KREMEN1: variants seen among roughly 807,000 people sequenced by gnomAD.
The protein encoded by KREMEN1 is kremen protein 1.
In KREMEN1, 30 loss-of-function variants were observed where a neutral mutation model predicts 46.5. The observed-to-expected ratio is 0.65, with a 90% confidence interval of 0.48 to 0.88. The LOEUF (loss-of-function observed/expected upper bound fraction) is 0.88. Among genes scored for constraint, KREMEN1 ranks in the 40% least tolerant of loss-of-function variants. The pLI, the probability that KREMEN1 is intolerant of heterozygous loss-of-function variation, is 0.00. For synonymous variants in KREMEN1, 214 were observed against 230.6 expected (o/e 0.93, Z 0.65); for missense variants, 533 against 596.9 (o/e 0.89, Z 1.11).
At chr22:29,080,342 T>A (rs2037634425) in intron 1 of KREMEN1, among the ~76,000 whole-genome samples, 1 of 152,272 alleles carries the variant, frequency 6.6e-6, no homozygotes. Context: ...ACAGGCCTTT[T>A]CAGCTGAGAA....
chr22:29,149,012 G>T (rs1223140582), downstream of KREMEN1, among the ~76,000 whole-genome samples: 2 of 151,926 alleles, frequency 1.3e-5, no homozygotes, highest in African/African-American at 4.8e-5. Flanking sequence ...AGGTTCCCGG[G>T]CCCCACCCCA....
Position 29,143,315 on chromosome 22 carries a change from C to T in KREMEN1, c.*1203C>T, listed in dbSNP as rs1403684991. ...TGGAACCTGAGCCAGGCCTCAGTCT[C>T]TCCATGATTGGCTCAGCTAACTCTC... On this transcript the variant is annotated 3_prime_UTR_variant, in exon 9 of 9. Transcript: ENST00000400335. 2.0e-6 allele frequency: 2 copies of T among 985,380 alleles called. No individual in the cohort carries two copies. Among genetic ancestry groups the T allele is most frequent in the Admixed American group, 6.1e-5 (1 of 16,268 alleles). 61.0% of individuals were successfully genotyped at this position (985,380 alleles called of 1,614,324 possible).
At chr22:29,149,900 A>T (rs2038901827), downstream of KREMEN1, among the ~76,000 whole-genome samples, 1 of 152,132 alleles carries the variant, frequency 6.6e-6, no homozygotes, top group African/African-American at 2.4e-5. Flanking sequence ...TGTGAAGGGG[A>T]ACGGGGCTGG....
chr22:29,136,288 C>T (rs2145841971), intron 5 of KREMEN1, among the ~76,000 whole-genome samples: 1 of 151,322 alleles, frequency 6.6e-6, no homozygotes, highest in East Asian at 2.0e-4. Context: ...TAAATCCTAG[C>T]CCTGGCCGGG....
At position 29,094,301 on chromosome 22, in the gene KREMEN1, C is replaced by A. The variant is rs375501568; in HGVS notation, c.141C>A (p.Asn47Lys). The A allele has an allele frequency of 1.9e-6, 3 of 1,613,764 alleles. No individual in the cohort carries two copies. The highest frequency in any genetic ancestry group is 1.6e-4 in the Middle Eastern group (1 of 6,062). ...GTGCGGATTATAGGGGAACACAGAA[C>A]TGGACAGCACTACAAGGCGGGAAGC... The part of the protein sequence containing the change: ...ANGADYRGTQ[N>K]WTALQGGKPC... The change falls in exon 2 of 9, where the codon AAC becomes AAA. Residue 47 changes from asparagine to lysine, a missense_variant. Transcript: ENST00000400335.
At position 29,143,779 on chromosome 22, in the gene KREMEN1, T is replaced by TCTGCCC. The variant is rs990400493; in HGVS notation, c.*1670_*1675dup. ...AACACTCCAAGGGCCATCCGTGCTCTCTGCCCCTCCTGTGGGGACCAAGTG... is the reference window on the plus strand; with the variant it reads ...AACACTCCAAGGGCCATCCGTGCTCTCTGCCCCTGCCCCTCCTGTGGGGACCAAGTG... On this transcript the variant is annotated 3_prime_UTR_variant, in exon 9 of 9. Coordinates refer to ENST00000400335, the MANE Select transcript of KREMEN1 (RefSeq NM_001039570.3). 7.1e-6 allele frequency: 7 copies of TCTGCCC among 984,884 alleles called. No homozygotes were observed. The highest frequency in any genetic ancestry group is 8.4e-6 in the Non-Finnish European group (7 of 830,102). 61.0% of individuals were successfully genotyped at this position (984,884 alleles called of 1,614,324 possible).
downstream of KREMEN1, among the ~76,000 whole-genome samples, chr22:29,150,860 C>T (rs2038909434): frequency 6.6e-6 from 1 of 152,174 alleles, no homozygotes; most frequent in African/African-American, 2.4e-5. Context: ...TTGCCGCAAC[C>T]CAACAAGGGA....
At position 29,090,029 on chromosome 22, in the gene KREMEN1, A is replaced by C. The variant is rs186277802; in HGVS notation, c.98-4229A>C. ...TCACTATCTGATGTTCATTTTGATC[A>C]GTTTATTATAAACATGTAAGCTCCA... On this transcript the variant is annotated intron_variant, in intron 1 of 8. Coordinates refer to ENST00000400335, the MANE Select transcript of KREMEN1 (RefSeq NM_001039570.3). Among the ~76,000 whole-genome samples the C allele has an allele frequency of 4.6e-5, 7 of 152,344 alleles. No individual in the cohort carries two copies. The East Asian group carries it at 1.2e-3, about 25-fold the overall frequency.
At chr22:29,165,974 A>G (rs544536661) in intron 9 of KREMEN1, among the ~76,000 whole-genome samples, 1 of 152,328 alleles carries the variant, frequency 6.6e-6, no homozygotes, top group South Asian at 2.1e-4. Flanking sequence ...GCTGCCATTC[A>G]GAATGGGTCA....
At position 29,143,678 on chromosome 22, in the gene KREMEN1, C is replaced by A. The variant is rs1302287374; in HGVS notation, c.*1566C>A. 6 of 864,340 alleles carry A rather than the reference C, an allele frequency of 6.9e-6. No individual in the cohort carries two copies. Among genetic ancestry groups the A allele is most frequent in the Non-Finnish European group, 8.3e-6 (6 of 720,796 alleles). 53.5% of individuals were successfully genotyped at this position (864,340 alleles called of 1,614,324 possible). ...AATGGCGTGAACCCGGGAGGCGGAG[C>A]TTGCAGTGAGCAGAGATCACGCCAC... On this transcript the variant is annotated 3_prime_UTR_variant, in exon 9 of 9. Transcript: ENST00000400335.
At chr22:29,146,969 C>A, downstream of KREMEN1, 1 of 190,126 alleles carries the variant, frequency 5.3e-6, no homozygotes, top group Non-Finnish European at 9.7e-6. Context: ...CAAATTTCTT[C>A]CAGTCTTGTG....
downstream of KREMEN1, among the ~76,000 whole-genome samples, chr22:29,147,753 A>T (rs1337868036): frequency 1.3e-5 from 2 of 152,174 alleles, no homozygotes; most frequent in Non-Finnish European, 2.9e-5. Context: ...TGGGCCCCCA[A>T]GCCAGTGCTG....
downstream of KREMEN1, among the ~76,000 whole-genome samples, chr22:29,147,429 C>T (rs116100643): frequency 0.012 from 1,861 of 152,314 alleles, 31 homozygotes; most frequent in African/African-American, 0.041. Flanking sequence ...AACTCTTCGC[C>T]ATGGGTACCA....
chr22:29,135,577 T>C (rs1339013481), intron 5 of KREMEN1, among the ~76,000 whole-genome samples: 2 of 152,154 alleles, frequency 1.3e-5, no homozygotes, highest in Non-Finnish European at 2.9e-5. Context: ...GGGACTGTGG[T>C]CTGCTGGCCA....
At chr22:29,133,156 G>A (rs1233536470) in intron 5 of KREMEN1, among the ~76,000 whole-genome samples, 2 of 151,190 alleles carry the variant, frequency 1.3e-5, no homozygotes, top group Non-Finnish European at 2.9e-5. Context: ...GCTGAGGCAG[G>A]AGAATGGCGT....
chr22:29,119,763 G>A (rs989308510), intron 3 of KREMEN1, among the ~76,000 whole-genome samples: 2 of 152,232 alleles, frequency 1.3e-5, no homozygotes, highest in African/African-American at 4.8e-5. Context: ...CTGATGTGTG[G>A]CTGTGAAACA....
intron 4 of KREMEN1, among the ~76,000 whole-genome samples, chr22:29,121,961 T>C (rs1337743165): frequency 6.6e-6 from 1 of 152,138 alleles, no homozygotes; most frequent in Non-Finnish European, 1.5e-5. Flanking sequence ...TTTTAAAAAG[T>C]TGGTAAATTG....
chr22:29,088,609 C>T (rs189509662), intron 1 of KREMEN1, among the ~76,000 whole-genome samples: 5 of 152,256 alleles, frequency 3.3e-5, no homozygotes, highest in East Asian at 3.9e-4. Flanking sequence ...GGATTACAGG[C>T]GTGGGCCACC....
Position 29,142,941 on chromosome 22 carries a change from G to A in KREMEN1, c.*829G>A. 1.2e-6 allele frequency: 1 copy of A among 834,716 alleles called. No homozygotes were observed. The highest frequency in any genetic ancestry group is 1.4e-6 in the Non-Finnish European group (1 of 692,464). 51.7% of individuals were successfully genotyped at this position (834,716 alleles called of 1,614,324 possible). ...GAGGCGGGCAGATCACCTGAGGTCA[G>A]GAGTTCGAGACCAGCCTGGCCAACA... On this transcript the variant is annotated 3_prime_UTR_variant, in exon 9 of 9. Coordinates refer to ENST00000400335, the MANE Select transcript of KREMEN1 (RefSeq NM_001039570.3).
Sources: gnomAD v4.1 joint callset for allele counts (sites outside exome capture counted in the v4.1 genomes callset) on GRCh38, gnomAD v4.1.1 for gene constraint, MANE v1.5 for transcripts, NCBI Gene and HGNC (gene_info 2026-07-23, HGNC 2026-07-21) for gene names.